Variants in PTPN13 observed in about 807,000 individuals in gnomAD.
PTPN13 encodes protein tyrosine phosphatase non-receptor type 13.
Under a neutral mutation model 284.0 loss-of-function variants are expected in PTPN13, and 191 were observed. That is an observed-to-expected ratio of 0.67 (90% CI 0.60 to 0.76). The LOEUF (loss-of-function observed/expected upper bound fraction) is 0.76. PTPN13 is among the 30% of genes least tolerant of loss of function. The pLI, the probability that PTPN13 is intolerant of heterozygous loss-of-function variation, is 0.00. For synonymous variants in PTPN13, 986 were observed against 1,022.3 expected (o/e 0.96, Z 0.68); for missense variants, 2,797 against 2,939.9 (o/e 0.95, Z 1.12).
intron 42 of PTPN13, 121 bp from the exon 43 acceptor site, chr4:86,803,588 A>C (rs1212692517): frequency 9.4e-7 from 1 of 1,066,468 alleles, no homozygotes; most frequent in African/African-American, 1.6e-5. Flanking sequence ...ACAAGATTCT[A>C]TCTCTAAATA....
intron 5 of PTPN13, 46 bp downstream of exon 5, chr4:86,689,236 A>G: frequency 6.6e-7 from 1 of 1,521,304 alleles, no homozygotes; most frequent in Non-Finnish European, 9.0e-7. Flanking sequence ...TTTAAAATTT[A>G]GTAGATATCA....
At chr4:86,673,777 G>A (rs1054928322) in intron 3 of PTPN13, among the ~76,000 whole-genome samples, 2 of 152,080 alleles carry the variant, frequency 1.3e-5, no homozygotes, top group Admixed American at 6.6e-5. Context: ...GCATAATCTC[G>A]GCTTACTGCA....
intron 2 of PTPN13, among the ~76,000 whole-genome samples, chr4:86,668,295 T>A (rs1727318439): frequency 6.6e-6 from 1 of 152,208 alleles, no homozygotes; most frequent in Non-Finnish European, 1.5e-5. Flanking sequence ...TGAAGGATTT[T>A]AAATACATTT....
intron 47 of PTPN13, among the ~76,000 whole-genome samples, chr4:86,812,256 G>A (rs1427000699): frequency 2.2e-5 from 3 of 138,580 alleles, no homozygotes; most frequent in South Asian, 2.3e-4. Flanking sequence ...CTTGCAGTGA[G>A]CCGAGATCCC....
chr4:86,768,819 C>T (rs1578622545), intron 28 of PTPN13, among the ~76,000 whole-genome samples: 1 of 151,316 alleles, frequency 6.6e-6, no homozygotes, highest in African/African-American at 2.4e-5. Context: ...AAGCTATTCT[C>T]CTGCCTCAGC....
intron 7 of PTPN13, among the ~76,000 whole-genome samples, chr4:86,704,397 T>C (rs1731495544): frequency 1.3e-5 from 2 of 152,204 alleles, no homozygotes; most frequent in Admixed American, 6.5e-5. Flanking sequence ...CATAATAGTC[T>C]ATTTAATATA....
chr4:86,761,139 A>ATAT (rs1738622051), intron 23 of PTPN13, among the ~76,000 whole-genome samples: 3 of 120,664 alleles, frequency 2.5e-5, no homozygotes, highest in South Asian at 2.7e-4. Flanking sequence ...TGTGTGTGTA[A>ATAT]ATATATATAT....
chr4:86,782,104 A>G, intron 36 of PTPN13, 97 bp from the exon 37 acceptor site: 1 of 816,320 alleles, frequency 1.2e-6, no homozygotes, highest in Non-Finnish European at 2.0e-6. Flanking sequence ...AATAAAAATA[A>G]CAACATCCCA....
At chr4:86,798,041 A>C (rs1285317749) in intron 41 of PTPN13, among the ~76,000 whole-genome samples, 1 of 152,242 alleles carries the variant, frequency 6.6e-6, no homozygotes, top group Non-Finnish European at 1.5e-5. Flanking sequence ...AAGGTCCTGC[A>C]AATTTAACCA....
chr4:86,702,143 C>G (rs999944747), intron 7 of PTPN13, among the ~76,000 whole-genome samples: 2 of 152,176 alleles, frequency 1.3e-5, no homozygotes, highest in Non-Finnish European at 2.9e-5. Flanking sequence ...GTCTACCATG[C>G]ACTATCTCAT....
chr4:86,758,416 A>G, intron 21 of PTPN13, 67 bp downstream of exon 21: 1 of 1,329,644 alleles, frequency 7.5e-7, no homozygotes, highest in Non-Finnish European at 1.1e-6. Context: ...TCTATAGCAT[A>G]GCATTGGCAT....
Position 86,641,964 on chromosome 4 carries a change from A to C in PTPN13, c.115+6593A>C, listed in dbSNP as rs142047610. Among the ~76,000 whole-genome samples, 868 of 152,298 alleles carry C rather than the reference A, an allele frequency of 5.7e-3. 7 individuals are homozygous for C. Among genetic ancestry groups the C allele is most frequent in the African/African-American group, 0.019 (774 of 41,560 alleles). On this transcript the variant is annotated intron_variant, in intron 2 of 47. Transcript: ENST00000411767. ...CTTCATCTGTCAAATTCCTAGGGAT[A>C]GTCAAAACTTCCCACTATGATTATA...
At chr4:86,616,544 A>G (rs1348015782) in intron 1 of PTPN13, among the ~76,000 whole-genome samples, 2 of 125,942 alleles carry the variant, frequency 1.6e-5, no homozygotes, top group African/African-American at 3.0e-5. Context: ...TCGTGGGGCC[A>G]TGGGGGGTGG....
In PTPN13 at chr4:86,655,601, T is replaced by C. The variant is rs538279104; in HGVS notation, c.116-16764T>C. ...CTCTTCTGGCGTGTAGAGTTTCTGCTGAGAGATCAGCTGTTAGTCTGATGG... is the reference window on the plus strand; with the variant it reads ...CTCTTCTGGCGTGTAGAGTTTCTGCCGAGAGATCAGCTGTTAGTCTGATGG... On this transcript the variant is annotated intron_variant, in intron 2 of 47. Coordinates refer to ENST00000411767, the MANE Select transcript of PTPN13 (RefSeq NM_080683.3). Among the ~76,000 whole-genome samples, 203 of 152,338 alleles carry C rather than the reference T, an allele frequency of 1.3e-3. 2 individuals are homozygous for C. The highest frequency in any genetic ancestry group is 4.5e-3 in the African/African-American group (189 of 41,578).
At chr4:86,793,769 A>C (rs899283714) in intron 40 of PTPN13, among the ~76,000 whole-genome samples, 14 of 152,242 alleles carry the variant, frequency 9.2e-5, no homozygotes, top group African/African-American at 3.1e-4. Flanking sequence ...GTATATAACA[A>C]AATGAAGGCA....
intron 9 of PTPN13, among the ~76,000 whole-genome samples, chr4:86,719,419 A>G (rs988065109): frequency 6.6e-6 from 1 of 152,180 alleles, no homozygotes; most frequent in African/African-American, 2.4e-5. Context: ...GCTATTGTAA[A>G]TAGTGCTGCC....
At chr4:86,664,087 T>C (rs1477753388) in intron 2 of PTPN13, among the ~76,000 whole-genome samples, 1 of 152,138 alleles carries the variant, frequency 6.6e-6, no homozygotes, top group African/African-American at 2.4e-5. Context: ...CCAGGAAACT[T>C]TTTAAAAATA....
intron 20 of PTPN13, among the ~76,000 whole-genome samples, chr4:86,754,273 T>C (rs1737732047): frequency 6.6e-6 from 1 of 152,206 alleles, no homozygotes; most frequent in South Asian, 2.1e-4. Flanking sequence ...CGTAAATTGC[T>C]AATCCTGTTA....
At chr4:86,609,867 C>A (rs1765109641) in intron 1 of PTPN13, among the ~76,000 whole-genome samples, 1 of 152,070 alleles carries the variant, frequency 6.6e-6, no homozygotes. Flanking sequence ...GGACTTAGAT[C>A]TATTTCAGTT....
Sources: allele counts gnomAD v4.1 joint callset (sites outside exome capture counted in the v4.1 genomes callset), GRCh38; gene constraint gnomAD v4.1.1; transcripts MANE v1.5; gene names NCBI Gene and HGNC (gene_info 2026-07-23, HGNC 2026-07-21).